PTPN9: variants seen among roughly 807,000 people sequenced by gnomAD.
PTPN9 encodes tyrosine-protein phosphatase non-receptor type 9.
PTPN9 carries 26 observed loss-of-function variants against 69.8 expected under a neutral mutation model. That is an observed-to-expected ratio of 0.37 (90% CI 0.27 to 0.52). The LOEUF is 0.52. Ranked by LOEUF, PTPN9 falls within the 20% of genes least tolerant of loss-of-function variation. PTPN9 has a pLI of 0.91. For missense variants in PTPN9, 549 were observed against 740.3 expected, an observed-to-expected ratio of 0.74 and a Z score of 3.00; for synonymous variants, 274 against 272.5, an observed-to-expected ratio of 1.01 and a Z score of -0.05.
intron 7 of PTPN9, among the ~76,000 whole-genome samples, chr15:75,500,290 C>T (rs558126430): frequency 2.7e-5 from 4 of 150,568 alleles, no homozygotes; most frequent in Non-Finnish European, 5.9e-5. Flanking sequence ...CTAGCCTGGC[C>T]GAGAGTGAGA....
At chr15:75,479,966 G>T in intron 8 of PTPN9, 52 bp from the exon 9 acceptor site, 1 of 1,275,464 alleles carries the variant, frequency 7.8e-7, no homozygotes, top group Non-Finnish European at 1.1e-6. Context: ...CACCATTTGG[G>T]TCATAAAATG....
In PTPN9 at chr15:75,468,267, CAGAA is replaced by C. The variant is rs575092688; in HGVS notation, c.*498_*501del. ...GCACACACACACACACACAGAATGA[CAGAA>C]AGGACTGGAATACACGCCCTACTTA... On this transcript the variant is annotated 3_prime_UTR_variant, in exon 13 of 13. Coordinates refer to ENST00000618819, the MANE Select transcript of PTPN9 (RefSeq NM_002833.4). The C allele has an allele frequency of 1.6e-3, 264 of 163,832 alleles. No individual in the cohort carries two copies. Among genetic ancestry groups the C allele is most frequent in the African/African-American group, 6.0e-3 (250 of 41,816 alleles). The allele number at this position is 163,832 out of a possible 1,614,324, so 10.1% of individuals were successfully genotyped here. A position where few individuals can be genotyped will look rare whatever the true frequency, so the allele number is the denominator to read the frequency against.
chr15:75,567,053 T>C lies in PTPN9; in HGVS notation c.63+11661A>G, dbSNP rs539688345. ...TTTTTTCAGATGCAATCTCACTCTGTCGCCCAGGCTGGAGTGCAGTGGCGT... is the reference window on the plus strand; with the variant it reads ...TTTTTTCAGATGCAATCTCACTCTGCCGCCCAGGCTGGAGTGCAGTGGCGT... On this transcript the variant is annotated intron_variant, in intron 1 of 12. Coordinates refer to ENST00000618819, the MANE Select transcript of PTPN9 (RefSeq NM_002833.4). Among the ~76,000 whole-genome samples the C allele has an allele frequency of 2.6e-4, 40 of 151,514 alleles. 1 individual carries two copies. Among genetic ancestry groups the C allele is most frequent in the Middle Eastern group, 3.4e-3 (1 of 294 alleles).
At chr15:75,526,912 C>T (rs527281625) in intron 2 of PTPN9, among the ~76,000 whole-genome samples, 8 of 152,320 alleles carry the variant, frequency 5.3e-5, no homozygotes, top group African/African-American at 1.4e-4. Context: ...TCCTGGTCTA[C>T]GATCAAAACT....
chr15:75,469,679 C>G, intron 12 of PTPN9, 113 bp downstream of exon 12: 1 of 1,188,786 alleles, frequency 8.4e-7, no homozygotes, highest in South Asian at 1.3e-5. Flanking sequence ...AATTCACCAC[C>G]AAGGGAGCAA....
At chr15:75,470,081 A>T in intron 11 of PTPN9, 82 bp from the exon 12 acceptor site, 1 of 1,285,868 alleles carries the variant, frequency 7.8e-7, no homozygotes, top group Non-Finnish European at 1.1e-6. Flanking sequence ...GATTCTCAAC[A>T]CCCTGGTTAT....
intron 6 of PTPN9, among the ~76,000 whole-genome samples, chr15:75,508,505 T>C (rs1022971376): frequency 2.6e-5 from 4 of 152,202 alleles, no homozygotes; most frequent in Non-Finnish European, 4.4e-5. Context: ...GATTGAATGA[T>C]GTTTCCAGTT....
At chr15:75,546,381 C>T (rs1157884512) in intron 1 of PTPN9, among the ~76,000 whole-genome samples, 6 of 152,120 alleles carry the variant, frequency 3.9e-5, no homozygotes, top group Non-Finnish European at 8.8e-5. Context: ...CAGTGCCTCA[C>T]GCCTGTAATC....
chr15:75,490,565 G>A (rs982476099), intron 7 of PTPN9, among the ~76,000 whole-genome samples: 3 of 152,178 alleles, frequency 2.0e-5, no homozygotes, highest in African/African-American at 7.2e-5. Flanking sequence ...AGCACTTTGG[G>A]AGGCAGGAGG....
Position 75,524,543 on chromosome 15 carries a change from C to A in PTPN9, c.208-245G>T, listed in dbSNP as rs182773894. 2.7e-3 allele frequency among the ~76,000 whole-genome samples: 417 copies of A among 152,190 alleles called. 2 individuals are homozygous for A. Among genetic ancestry groups the A allele is most frequent in the South Asian group, 0.013 (63 of 4,826 alleles). On this transcript the variant is annotated intron_variant, in intron 2 of 12. Coordinates refer to ENST00000618819, the MANE Select transcript of PTPN9 (RefSeq NM_002833.4). Reference sequence around the variant, plus strand: ...CTGTAATCCCACCACTTTGAGAGGCCAAGGCGGGCAGGTCACCTGAGGTCA... The same window carrying A: ...CTGTAATCCCACCACTTTGAGAGGCAAAGGCGGGCAGGTCACCTGAGGTCA...
At chr15:75,577,948 G>T (rs1344779328) in intron 1 of PTPN9, among the ~76,000 whole-genome samples, 3 of 152,128 alleles carry the variant, frequency 2.0e-5, no homozygotes, top group African/African-American at 7.2e-5. Flanking sequence ...GAATGTGCGG[G>T]AGGGAAAGTT....
At chr15:75,503,600 G>C (rs1439830063) in intron 7 of PTPN9, among the ~76,000 whole-genome samples, 5 of 143,808 alleles carry the variant, frequency 3.5e-5, no homozygotes, top group Admixed American at 6.8e-5. Flanking sequence ...AGGTGGGGGG[G>C]TCAGCCCCCC....
At chr15:75,503,244 C>A (rs188792294) in intron 7 of PTPN9, among the ~76,000 whole-genome samples, 4,286 of 148,902 alleles carry the variant, frequency 0.029, 100 homozygotes, top group Non-Finnish European at 0.042. Flanking sequence ...CATCTCTGCC[C>A]GGCCGCCCAT....
rs1211495024 is a variant in PTPN9 at position 75,535,019 on chromosome 15, CAG to C, written c.64-7760_64-7759del. The stretch of plus-strand genomic sequence containing the variant: ...AAAACGATTTTTTTTTTTTTTGAGA[CAG>C]AGTCTCACTCTGTTGCCCAGGCTGG... On this transcript the variant is annotated intron_variant, in intron 1 of 12. Coordinates refer to ENST00000618819, the MANE Select transcript of PTPN9 (RefSeq NM_002833.4). Among the ~76,000 whole-genome samples the C allele has an allele frequency of 3.3e-5, 5 of 149,814 alleles. No homozygotes were observed. In the East Asian group the frequency reaches 9.8e-4, roughly 30 times the overall value.
chr15:75,554,586 TA>T (rs1314241578), intron 1 of PTPN9, among the ~76,000 whole-genome samples: 1 of 151,010 alleles, frequency 6.6e-6, no homozygotes, highest in Non-Finnish European at 1.5e-5. Flanking sequence ...CTCAGCCTCC[TA>T]AAGTGCTGGA....
At chr15:75,530,730 TATATTATTATATAATATATATA>T in intron 1 of PTPN9, among the ~76,000 whole-genome samples, 1 of 27,926 alleles carries the variant, frequency 3.6e-5, no homozygotes, top group Admixed American at 5.6e-4. Context: ...ATATATAATA[TATATTATTATATAATATATATA>T]ATATAATATA....
At chr15:75,576,530 C>A (rs1047862980) in intron 1 of PTPN9, among the ~76,000 whole-genome samples, 20 of 151,458 alleles carry the variant, frequency 1.3e-4, no homozygotes, top group Admixed American at 4.0e-4. Flanking sequence ...CAAACTCCGG[C>A]CAGGCGCAGT....
intron 8 of PTPN9, among the ~76,000 whole-genome samples, chr15:75,489,448 T>G (rs2074697465): frequency 6.6e-6 from 1 of 151,892 alleles, no homozygotes; most frequent in South Asian, 2.1e-4. Flanking sequence ...AAATTAGCCA[T>G]GTATGTGGCA....
At chr15:75,503,456 G>A (rs1253905068) in intron 7 of PTPN9, among the ~76,000 whole-genome samples, 3 of 146,928 alleles carry the variant, frequency 2.0e-5, no homozygotes, top group Non-Finnish European at 3.0e-5. Context: ...CCCCGTCTGA[G>A]AAGTGAGGAG....
Sources: gnomAD v4.1 joint callset for allele counts (sites outside exome capture counted in the v4.1 genomes callset) on GRCh38, gnomAD v4.1.1 for gene constraint, MANE v1.5 for transcripts, NCBI Gene and HGNC (gene_info 2026-07-23, HGNC 2026-07-21) for gene names.